Variants in NSMCE2 observed in about 807,000 individuals in gnomAD.
NSMCE2 encodes E3 SUMO-protein ligase NSE2.
A neutral mutation model predicts 23.8 loss-of-function variants in NSMCE2; 24 were observed. That is an observed-to-expected ratio of 1.01 (90% CI 0.73 to 1.42). NSMCE2 has a LOEUF of 1.42. Among genes scored for constraint, NSMCE2 ranks in the 40% most tolerant of loss-of-function variants. The pLI, the probability that NSMCE2 is intolerant of heterozygous loss-of-function variation, is 0.00. For missense variants in NSMCE2, 284 were observed against 296.5 expected, an observed-to-expected ratio of 0.96 and a Z score of 0.31; for synonymous variants, 92 against 94.1, an observed-to-expected ratio of 0.98 and a Z score of 0.13.
intron 5 of NSMCE2, among the ~76,000 whole-genome samples, chr8:125,340,119 A>G (rs1250231775): frequency 1.4e-5 from 2 of 138,400 alleles, no homozygotes; most frequent in East Asian, 4.6e-4. Flanking sequence ...GGTTCACGCC[A>G]TTCTCCTGCC....
At chr8:125,280,280 A>G (rs917977067) in intron 5 of NSMCE2, among the ~76,000 whole-genome samples, 1 of 152,218 alleles carries the variant, frequency 6.6e-6, no homozygotes, top group African/African-American at 2.4e-5. Flanking sequence ...GTTTATAACT[A>G]GAGAGAAACA....
intron 5 of NSMCE2, among the ~76,000 whole-genome samples, chr8:125,323,633 A>C (rs2131275665): frequency 6.6e-6 from 1 of 152,378 alleles, no homozygotes; most frequent in African/African-American, 2.4e-5. Context: ...TCATATATTC[A>C]GAATATAAAC....
chr8:125,125,290 G>A (rs973790048), intron 3 of NSMCE2, among the ~76,000 whole-genome samples: 6 of 152,170 alleles, frequency 3.9e-5, no homozygotes, highest in South Asian at 2.1e-4. Flanking sequence ...TAAGTGTAAT[G>A]TTATCTGGAG....
At chr8:125,291,625 T>G (rs6989594) in intron 5 of NSMCE2, among the ~76,000 whole-genome samples, 5,169 of 152,296 alleles carry the variant, frequency 0.034, 199 homozygotes, top group South Asian at 0.12. Context: ...TTCAGTGTGA[T>G]GGAAAGATTG....
intron 5 of NSMCE2, among the ~76,000 whole-genome samples, chr8:125,184,584 G>T (rs1823000657): frequency 6.6e-6 from 1 of 151,958 alleles, no homozygotes; most frequent in African/African-American, 2.4e-5. Context: ...GATTTCAAAT[G>T]ACAGAACAAG....
At chr8:125,333,335 AATTTTTT>A (rs1323319468) in intron 5 of NSMCE2, among the ~76,000 whole-genome samples, 1 of 151,024 alleles carries the variant, frequency 6.6e-6, no homozygotes, top group Admixed American at 6.6e-5. Flanking sequence ...ATGCCTGGGT[AATTTTTT>A]ATTTTTTATT....
chr8:125,298,263 A>G (rs1828408494), intron 5 of NSMCE2, among the ~76,000 whole-genome samples: 1 of 152,244 alleles, frequency 6.6e-6, no homozygotes, highest in Non-Finnish European at 1.5e-5. Context: ...ATCTCAAAAA[A>G]TAAATAAATA....
At chr8:125,206,458 G>A (rs907530524) in intron 5 of NSMCE2, among the ~76,000 whole-genome samples, 8 of 152,204 alleles carry the variant, frequency 5.3e-5, no homozygotes, top group African/African-American at 1.9e-4. Context: ...TCTTGTTACA[G>A]GGGTTTAGTC....
At chr8:125,175,121 C>T (rs1407405334) in intron 4 of NSMCE2, among the ~76,000 whole-genome samples, 3 of 151,928 alleles carry the variant, frequency 2.0e-5, no homozygotes, top group Non-Finnish European at 4.4e-5. Flanking sequence ...AACAACTTTA[C>T]CAAGTTTTTT....
At chr8:125,312,868 C>G (rs1320237935) in intron 5 of NSMCE2, among the ~76,000 whole-genome samples, 5 of 152,036 alleles carry the variant, frequency 3.3e-5, no homozygotes, top group African/African-American at 1.2e-4. Flanking sequence ...GAAAAAGCCT[C>G]TCTGAGGAAG....
chr8:125,145,386 G>T (rs1820618093), intron 3 of NSMCE2, among the ~76,000 whole-genome samples: 2 of 152,106 alleles, frequency 1.3e-5, no homozygotes, highest in East Asian at 3.9e-4. Context: ...TTGTGGGGTG[G>T]CAGTGCGGGG....
Position 125,232,412 on chromosome 8 carries a change from T to C in NSMCE2, c.418+50156T>C, listed in dbSNP as rs529828612. ...GTACTTTCTGTAAGCACTGTGCACA[T>C]GATAAGAATTATTGTCTGGCATAGT... On this transcript the variant is annotated intron_variant, in intron 5 of 7. Coordinates refer to ENST00000287437, the MANE Select transcript of NSMCE2 (RefSeq NM_173685.4). 1.1e-4 allele frequency among the ~76,000 whole-genome samples: 16 copies of C among 152,122 alleles called. 1 individual carries two copies. Among genetic ancestry groups the C allele is most frequent in the Admixed American group, 1.0e-3 (16 of 15,274 alleles).
At chr8:125,173,258 CTGTT>C (rs1354463957) in intron 4 of NSMCE2, among the ~76,000 whole-genome samples, 1 of 152,176 alleles carries the variant, frequency 6.6e-6, no homozygotes, top group African/African-American at 2.4e-5. Context: ...GGTGCTGAGA[CTGTT>C]AAACCAGCAG....
intron 1 of NSMCE2, among the ~76,000 whole-genome samples, chr8:125,101,840 G>C (rs1365875800): frequency 1.3e-5 from 2 of 152,248 alleles, no homozygotes; most frequent in East Asian, 3.9e-4. Context: ...CAGGAATATA[G>C]ATTTTCTCTT....
intron 5 of NSMCE2, among the ~76,000 whole-genome samples, chr8:125,333,679 T>TA (rs1829967814): frequency 6.6e-6 from 1 of 151,442 alleles, no homozygotes; most frequent in Non-Finnish European, 1.5e-5. Context: ...TACGCCCGGC[T>TA]ATTTTTTGTA....
chr8:125,169,932 T>C (rs1001726092), intron 4 of NSMCE2, among the ~76,000 whole-genome samples: 4 of 152,136 alleles, frequency 2.6e-5, no homozygotes, highest in Non-Finnish European at 5.9e-5. Context: ...GAGTGCTTTT[T>C]TTTTTTCATT....
At chr8:125,265,155 T>G (rs1425203725) in intron 5 of NSMCE2, among the ~76,000 whole-genome samples, 1 of 77,564 alleles carries the variant, frequency 1.3e-5, no homozygotes, top group Non-Finnish European at 3.8e-5. Context: ...CCTGGCTTTA[T>G]TTAATTTTTT....
At chr8:125,194,069 A>C (rs766908677) in intron 5 of NSMCE2, among the ~76,000 whole-genome samples, 1 of 152,210 alleles carries the variant, frequency 6.6e-6, no homozygotes, top group African/African-American at 2.4e-5. Flanking sequence ...TTCATAAGGC[A>C]TATTTTAGCT....
At chr8:125,150,894 T>G (rs898884268) in intron 3 of NSMCE2, among the ~76,000 whole-genome samples, 10 of 152,320 alleles carry the variant, frequency 6.6e-5, no homozygotes, top group Non-Finnish European at 2.9e-5. Context: ...AGCCTGGAAC[T>G]CCTTAATACA....
Sources: allele counts gnomAD v4.1 joint callset (sites outside exome capture counted in the v4.1 genomes callset), GRCh38; gene constraint gnomAD v4.1.1; transcripts MANE v1.5; gene names NCBI Gene and HGNC (gene_info 2026-07-23, HGNC 2026-07-21).